The following SMOC1 variants were observed in gnomAD, a reference collection of about 807,000 sequenced individuals.
SMOC1 encodes the protein SPARC related modular calcium binding 1.
In SMOC1, 22 loss-of-function variants were observed where a neutral mutation model predicts 56.3. The observed-to-expected ratio is 0.39, with a 90% confidence interval of 0.28 to 0.56. The LOEUF (loss-of-function observed/expected upper bound fraction) is 0.56. SMOC1 is among the 20% of genes least tolerant of loss of function. The pLI is 0.61. For synonymous variants in SMOC1, 193 were observed against 215.0 expected, an observed-to-expected ratio of 0.90 and a Z score of 0.89; for missense variants, 509 against 565.4, an observed-to-expected ratio of 0.90 and a Z score of 1.01.
chr14:69,974,130 A>G (rs868013026), intron 3 of SMOC1, among the ~76,000 whole-genome samples: 16 of 152,168 alleles, frequency 1.1e-4, no homozygotes, highest in Admixed American at 5.9e-4. Context: ...GCATTATGTT[A>G]GATTCTGGGA....
intron 3 of SMOC1, among the ~76,000 whole-genome samples, chr14:69,972,469 G>A (rs1323024846): frequency 2.0e-5 from 3 of 152,076 alleles, no homozygotes; most frequent in East Asian, 3.9e-4. Flanking sequence ...GTATACCCCC[G>A]CCCTCACAGG....
chr14:70,000,888 C>T (rs557354607), intron 7 of SMOC1, among the ~76,000 whole-genome samples: 1 of 152,328 alleles, frequency 6.6e-6, no homozygotes, highest in African/African-American at 2.4e-5. Context: ...TGTAAACATC[C>T]CTGTGAGGAG....
chr14:69,889,886 T>C (rs1187941334), intron 1 of SMOC1, among the ~76,000 whole-genome samples: 2 of 152,234 alleles, frequency 1.3e-5, no homozygotes, highest in Non-Finnish European at 2.9e-5. Context: ...TGCCAGGGTC[T>C]CTCTGGTTCT....
At chr14:70,008,409 G>A (rs529114391) in intron 7 of SMOC1, among the ~76,000 whole-genome samples, 39 of 152,314 alleles carry the variant, frequency 2.6e-4, no homozygotes, top group African/African-American at 9.1e-4. Flanking sequence ...CAAATGCTGG[G>A]ATTATAGGCA....
intron 3 of SMOC1, among the ~76,000 whole-genome samples, chr14:69,962,917 TC>T (rs1566690195): frequency 6.6e-6 from 1 of 152,182 alleles, no homozygotes; most frequent in Non-Finnish European, 1.5e-5. Context: ...CTTTTTTTTC[TC>T]TTTTATTTCT....
chr14:70,022,358 T>C (rs1594860433), intron 10 of SMOC1, among the ~76,000 whole-genome samples: 1 of 152,296 alleles, frequency 6.6e-6, no homozygotes, highest in Non-Finnish European at 1.5e-5. Context: ...TGAGGGGCTG[T>C]GTTAGATGTG....
In SMOC1 at chr14:70,029,406, T is replaced by A. The variant is rs147120169; in HGVS notation, c.1292-836T>A. The stretch of plus-strand genomic sequence containing the variant: ...ACATCAGCACCAGAGCCCTTCTTAG[T>A]GGATAGCTGAGGGATTGCAAAGAGG... On this transcript the variant is annotated intron_variant, in intron 11 of 11. Coordinates refer to ENST00000361956, the MANE Select transcript of SMOC1 (RefSeq NM_001034852.3). 2.1e-3 allele frequency among the ~76,000 whole-genome samples: 313 copies of A among 152,188 alleles called. 1 individual carries two copies. The highest frequency in any genetic ancestry group is 7.3e-3 in the African/African-American group (304 of 41,508).
rs227425 is a variant in SMOC1 at position 69,989,982 on chromosome 14, T to A, written c.527-2435T>A. Reference sequence around the variant, plus strand: ...ATTCCTGGCAGCAGGGCATCTTGTCTTTTCTCACTTCATAAAGATTTCCAT... The same window carrying A: ...ATTCCTGGCAGCAGGGCATCTTGTCATTTCTCACTTCATAAAGATTTCCAT... On this transcript the variant is annotated intron_variant, in intron 5 of 11. Transcript: ENST00000361956. Among the ~76,000 whole-genome samples, 10 of 152,158 alleles carry A rather than the reference T, an allele frequency of 6.6e-5. No individual in the cohort carries two copies. In the East Asian group the frequency reaches 1.7e-3, roughly 27 times the overall value.
intron 1 of SMOC1, among the ~76,000 whole-genome samples, chr14:69,939,078 C>T (rs549564671): frequency 1.3e-4 from 20 of 152,284 alleles, no homozygotes; most frequent in Non-Finnish European, 2.6e-4. Flanking sequence ...TCAAACTCTC[C>T]GTCGGACTCT....
At chr14:69,957,985 A>G (rs1883248275) in intron 3 of SMOC1, among the ~76,000 whole-genome samples, 1 of 152,244 alleles carries the variant, frequency 6.6e-6, no homozygotes, top group African/African-American at 2.4e-5. Context: ...GACAATATAC[A>G]AACAATAATA....
At chr14:69,912,986 G>A (rs891548333) in intron 1 of SMOC1, among the ~76,000 whole-genome samples, 2 of 152,170 alleles carry the variant, frequency 1.3e-5, no homozygotes, top group Admixed American at 6.5e-5. Flanking sequence ...TTGAAAACTG[G>A]AAGCTTCAAA....
chr14:70,013,371 C>T lies in SMOC1; in HGVS notation c.941-15C>T. 6.2e-7 allele frequency: 1 copy of T among 1,609,936 alleles called. No homozygotes were observed. Among genetic ancestry groups the T allele is most frequent in the Non-Finnish European group, 8.5e-7 (1 of 1,176,184 alleles). ...TTATCTGGCATCTACCTTCAAATCTCATTTTATCTTTTAGGCTGTCCAGAA... is the reference window on the plus strand; with the variant it reads ...TTATCTGGCATCTACCTTCAAATCTTATTTTATCTTTTAGGCTGTCCAGAA... On this transcript the variant is annotated splice_polypyrimidine_tract_variant and intron_variant, in intron 9 of 11. Transcript: ENST00000361956.
At chr14:69,978,205 G>A in intron 5 of SMOC1, 2 of 565,490 alleles carry the variant, frequency 3.5e-6, no homozygotes, top group Non-Finnish European at 6.3e-6. Context: ...CCCAGAGCTG[G>A]GAAGCACCTT....
intron 1 of SMOC1, among the ~76,000 whole-genome samples, chr14:69,945,183 G>A (rs1262245676): frequency 6.6e-6 from 1 of 152,162 alleles, no homozygotes; most frequent in Non-Finnish European, 1.5e-5. Context: ...TACGCCCTAT[G>A]TATATAAAGA....
chr14:69,896,565 T>G (rs1884104485), intron 1 of SMOC1, among the ~76,000 whole-genome samples: 1 of 152,220 alleles, frequency 6.6e-6, no homozygotes, highest in African/African-American at 2.4e-5. Context: ...AAAATTAGAT[T>G]TCCCCCTTGG....
intron 1 of SMOC1, among the ~76,000 whole-genome samples, chr14:69,880,572 C>A (rs541599688): frequency 1.1e-4 from 16 of 152,284 alleles, no homozygotes; most frequent in African/African-American, 3.9e-4. Flanking sequence ...ATTATCCCCG[C>A]AACACCCCCC....
chr14:69,909,836 G>A (rs556966868), intron 1 of SMOC1, among the ~76,000 whole-genome samples: 13 of 152,128 alleles, frequency 8.5e-5, no homozygotes, highest in Non-Finnish European at 1.9e-4. Context: ...ATTCTAACTG[G>A]GTGAGAATGA....
At chr14:70,018,557 C>T (rs962191929) in intron 10 of SMOC1, among the ~76,000 whole-genome samples, 7 of 152,312 alleles carry the variant, frequency 4.6e-5, no homozygotes, top group Admixed American at 3.9e-4. Flanking sequence ...CCCCTCTGGC[C>T]AGGGCTCCAG....
At chr14:70,013,542 A>G (rs1292058765) in intron 10 of SMOC1, 51 bp downstream of exon 10, 1 of 1,490,722 alleles carries the variant, frequency 6.7e-7, no homozygotes, top group South Asian at 1.1e-5. Flanking sequence ...GGGGCCCCTG[A>G]CTTTTCAAAT....
Sources: allele counts gnomAD v4.1 joint callset (sites outside exome capture counted in the v4.1 genomes callset), GRCh38; gene constraint gnomAD v4.1.1; transcripts MANE v1.5; gene names NCBI Gene and HGNC (gene_info 2026-07-23, HGNC 2026-07-21).